The following RPRD2 variants were observed in gnomAD, a reference collection of about 807,000 sequenced individuals.
RPRD2 encodes regulation of nuclear pre-mRNA domain-containing protein 2.
A neutral mutation model predicts 104.4 loss-of-function variants in RPRD2; 12 were observed. That is an observed-to-expected ratio of 0.11 (90% CI 0.07 to 0.19). RPRD2 has a LOEUF of 0.19. Among genes scored for constraint, RPRD2 ranks in the 10% least tolerant of loss-of-function variants. The pLI is 1.00. For missense variants in RPRD2, 1,543 were observed against 1,790.1 expected (o/e 0.86, Z 2.49); for synonymous variants, 714 against 684.9 (o/e 1.04, Z -0.66).
Position 150,446,306 on chromosome 1 carries a change from A to G in RPRD2, c.775A>G (p.Lys259Glu). Residue 259 changes from lysine to glutamate, a missense_variant, in exon 7 of 11, where the codon AAG becomes GAG. Lys to Glu is a moderately conservative substitution (Grantham distance 56). Around this residue, in one of 4 missense-constraint regions of RPRD2, gnomAD observed 572 missense variants for 787.3 expected, o/e 0.73. Coordinates refer to ENST00000369068, the MANE Select transcript of RPRD2 (RefSeq NM_015203.5). ...KLEEFVNGLD[K>E]QVKNGPSLTE... ...GGAAGAATTTGTGAATGGATTAGAT[A>G]AGCAGGTGAAAAACGGACCCTCATT... The G allele has an allele frequency of 1.9e-6, 3 of 1,612,494 alleles. No individual in the cohort carries two copies. Among genetic ancestry groups the G allele is most frequent in the Non-Finnish European group, 2.5e-6 (3 of 1,179,468 alleles).
At chr1:150,452,312 C>T (rs1306385999) in intron 7 of RPRD2, among the ~76,000 whole-genome samples, 3 of 152,072 alleles carry the variant, frequency 2.0e-5, no homozygotes. Context: ...AAGAATTCTG[C>T]CCAGTGTCAG....
intron 2 of RPRD2, among the ~76,000 whole-genome samples, chr1:150,438,503 C>T (rs782414989): frequency 2.0e-5 from 3 of 151,772 alleles, no homozygotes; most frequent in Admixed American, 6.6e-5. Flanking sequence ...GTGGCAGGCG[C>T]CTATAATCCC....
At chr1:150,424,948 C>T (rs1428866764) in intron 2 of RPRD2, among the ~76,000 whole-genome samples, 3 of 152,008 alleles carry the variant, frequency 2.0e-5, no homozygotes, top group Admixed American at 6.6e-5. Context: ...ACTAGTTTCC[C>T]GGTTTGTGTT....
At position 150,446,213 on chromosome 1, in the gene RPRD2, C is replaced by T. The variant is rs1553895449; in HGVS notation, c.695-13C>T. 2.0e-6 allele frequency: 3 copies of T among 1,510,664 alleles called. No homozygotes were observed. Among genetic ancestry groups the T allele is most frequent in the East Asian group, 2.3e-5 (1 of 42,850 alleles). The allele number at this position is 1,510,664 out of a possible 1,614,324, so 93.6% of individuals were successfully genotyped here. On this transcript the variant is annotated splice_polypyrimidine_tract_variant and intron_variant, in intron 6 of 10. Transcript: ENST00000369068. ...ATTTTATCCTGAAATGAATATTTCC[C>T]ATGTCATTTTAGATAAAACAGGTGG...
intron 1 of RPRD2, among the ~76,000 whole-genome samples, chr1:150,374,749 A>G (rs1660574980): frequency 6.6e-6 from 1 of 152,220 alleles, no homozygotes; most frequent in Non-Finnish European, 1.5e-5. Flanking sequence ...TTTATTCTCT[A>G]TTCTCAGAAG....
At chr1:150,423,300 T>TTATA in intron 2 of RPRD2, among the ~76,000 whole-genome samples, 1 of 152,298 alleles carries the variant, frequency 6.6e-6, no homozygotes, top group East Asian at 1.9e-4. Context: ...CTTCAATAAG[T>TTATA]TATATATAGA....
At chr1:150,369,496 G>A (rs373688560) in intron 1 of RPRD2, among the ~76,000 whole-genome samples, 2,265 of 106,556 alleles carry the variant, frequency 0.021, 65 homozygotes, top group African/African-American at 0.072. Flanking sequence ...TTGCTCTGTC[G>A]CCCAGGCTGG....
At chr1:150,424,441 C>G (rs974990864) in intron 2 of RPRD2, among the ~76,000 whole-genome samples, 2 of 152,112 alleles carry the variant, frequency 1.3e-5, no homozygotes, top group Admixed American at 6.6e-5. Flanking sequence ...GCGAGCGCCA[C>G]CATGCCCAGC....
chr1:150,427,897 C>T (rs1396982390), intron 2 of RPRD2, among the ~76,000 whole-genome samples: 4 of 151,914 alleles, frequency 2.6e-5, no homozygotes, highest in Non-Finnish European at 5.9e-5. Context: ...GAAATATATT[C>T]CAAGTGAATT....
intron 1 of RPRD2, among the ~76,000 whole-genome samples, chr1:150,381,899 G>C (rs1490558916): frequency 6.6e-6 from 1 of 152,090 alleles, no homozygotes; most frequent in Non-Finnish European, 1.5e-5. Context: ...CATGGGCTTC[G>C]ATCTCAAATA....
intron 1 of RPRD2, among the ~76,000 whole-genome samples, chr1:150,387,032 A>G (rs1553881959): frequency 6.6e-6 from 1 of 152,228 alleles, no homozygotes; most frequent in African/African-American, 2.4e-5. Flanking sequence ...GTAGTAAATG[A>G]GAAAATAGAC....
intron 2 of RPRD2, among the ~76,000 whole-genome samples, chr1:150,426,116 CA>C (rs1283594029): frequency 5.9e-5 from 9 of 151,930 alleles, no homozygotes; most frequent in Admixed American, 5.2e-4. Flanking sequence ...AACAAACAAA[CA>C]AAAAAAGGGA....
chr1:150,441,318 G>T (rs1666390192), intron 3 of RPRD2: 1 of 287,326 alleles, frequency 3.5e-6, no homozygotes, highest in African/African-American at 2.2e-5. Context: ...GTTTCAAATG[G>T]TTCATTGTTT....
chr1:150,393,670 TTA>T (rs1553883623), intron 1 of RPRD2, among the ~76,000 whole-genome samples: 1 of 152,022 alleles, frequency 6.6e-6, no homozygotes, highest in African/African-American at 2.4e-5. Context: ...GGCATGAAAA[TTA>T]TATGTCTCTT....
chr1:150,392,366 G>T (rs1232745918), intron 1 of RPRD2, among the ~76,000 whole-genome samples: 1 of 152,048 alleles, frequency 6.6e-6, no homozygotes, highest in Admixed American at 6.6e-5. Context: ...TTAGCTGGGC[G>T]TGGTGGCACA....
rs1298207438 is a variant in RPRD2, at chr1:150,410,642, CT to C, written c.206-6945del. ...TGCTCTCTCTACAGGCACACACACA[CT>C]TTTTTTTTCTGAACTGTTTGAGCAT... On this transcript the variant is annotated intron_variant, in intron 1 of 10. Transcript: ENST00000369068. Among the ~76,000 whole-genome samples the C allele has an allele frequency of 1.9e-4, 29 of 151,944 alleles. No individual in the cohort carries two copies. In the East Asian group the frequency reaches 5.6e-3, roughly 29 times the overall value.
rs1462104164 is a variant in RPRD2, at chr1:150,411,979, C to T, written c.206-5617C>T. Among the ~76,000 whole-genome samples the T allele has an allele frequency of 5.9e-5, 9 of 151,528 alleles. No individual in the cohort carries two copies. The East Asian group carries it at 1.8e-3, about 29-fold the overall frequency. On this transcript the variant is annotated intron_variant, in intron 1 of 10. Coordinates refer to ENST00000369068, the MANE Select transcript of RPRD2 (RefSeq NM_015203.5). ...GTCTACTAAAAATACAAAAATTAGCCGGGCATGGTGGCAAGCGCCTGTAAT... is the reference window on the plus strand; with the variant it reads ...GTCTACTAAAAATACAAAAATTAGCTGGGCATGGTGGCAAGCGCCTGTAAT...
chr1:150,453,063 C>T (rs1363528200), intron 7 of RPRD2, among the ~76,000 whole-genome samples: 2 of 148,738 alleles, frequency 1.3e-5, no homozygotes, highest in South Asian at 2.1e-4. Context: ...GACGGAGCCT[C>T]GTGCTGTTGC....
chr1:150,391,475 A>G (rs1232795765), intron 1 of RPRD2, among the ~76,000 whole-genome samples: 1 of 152,202 alleles, frequency 6.6e-6, no homozygotes, highest in Non-Finnish European at 1.5e-5. Context: ...TTAAAAGGAC[A>G]TATACTTCAG....
Sources: allele counts gnomAD v4.1 joint callset (sites outside exome capture counted in the v4.1 genomes callset), GRCh38; gene constraint gnomAD v4.1.1; regional missense constraint gnomAD v4.1.1; transcripts MANE v1.5; gene names NCBI Gene and HGNC (gene_info 2026-07-23, HGNC 2026-07-21).